Variants in GRID2 observed in about 807,000 individuals in gnomAD.
The protein encoded by GRID2 is glutamate ionotropic receptor delta type subunit 2.
GRID2 carries 33 observed loss-of-function variants against 114.8 expected under a neutral mutation model. That is an observed-to-expected ratio of 0.29 (90% CI 0.22 to 0.38). The LOEUF (loss-of-function observed/expected upper bound fraction) is 0.38. Ranked by LOEUF, GRID2 falls within the 10% of genes least tolerant of loss-of-function variation. The probability of loss-of-function intolerance (pLI) is 1.00; values close to 1 mark genes in which losing one functional copy is unlikely to be tolerated. For missense variants in GRID2, 1,184 were observed against 1,257.7 expected (o/e 0.94, Z 0.89); for synonymous variants, 505 against 449.9 (o/e 1.12, Z -1.55).
At chr4:92,520,375 T>TA (rs35833244) in intron 1 of GRID2, among the ~76,000 whole-genome samples, 12,286 of 151,022 alleles carry the variant, frequency 0.081, 703 homozygotes, top group African/African-American at 0.17. Flanking sequence ...AACATATTGA[T>TA]AAAAAAAAAC....
intron 3 of GRID2, among the ~76,000 whole-genome samples, chr4:93,091,995 G>T (rs1371799276): frequency 6.6e-6 from 1 of 152,140 alleles, no homozygotes; most frequent in African/African-American, 2.4e-5. Flanking sequence ...TCATTGCACA[G>T]AAATCACCCA....
chr4:92,763,207 A>G (rs1738103295), intron 2 of GRID2, among the ~76,000 whole-genome samples: 2 of 152,202 alleles, frequency 1.3e-5, no homozygotes, highest in African/African-American at 4.8e-5. Context: ...TTCAACAAAT[A>G]TTTATAAATT....
chr4:93,450,652 G>T (rs1221063973), intron 10 of GRID2, among the ~76,000 whole-genome samples: 3 of 151,564 alleles, frequency 2.0e-5, no homozygotes, highest in Admixed American at 2.0e-4. Flanking sequence ...TCCTTTTCAT[G>T]ACTTGAGAGA....
intron 4 of GRID2, among the ~76,000 whole-genome samples, chr4:93,176,163 T>C (rs1407057127): frequency 1.3e-5 from 2 of 152,188 alleles, no homozygotes; most frequent in African/African-American, 2.4e-5. Flanking sequence ...AAGAAATAAA[T>C]TGATAACCAC....
intron 10 of GRID2, among the ~76,000 whole-genome samples, chr4:93,434,124 A>T (rs1046198910): frequency 2.6e-5 from 4 of 152,222 alleles, no homozygotes; most frequent in African/African-American, 4.8e-5. Context: ...AAGAAAATGA[A>T]TTCAAGAATG....
intron 1 of GRID2, among the ~76,000 whole-genome samples, chr4:92,505,320 T>C (rs997320299): frequency 1.3e-5 from 2 of 152,080 alleles, no homozygotes; most frequent in Middle Eastern, 3.2e-3. Context: ...ATGGCAACTT[T>C]CTACTGCTGA....
intron 2 of GRID2, among the ~76,000 whole-genome samples, chr4:92,755,456 G>C (rs903025452): frequency 2.0e-5 from 3 of 152,106 alleles, no homozygotes; most frequent in Non-Finnish European, 2.9e-5. Flanking sequence ...AAGCAATGCA[G>C]AGTAACAGGA....
chr4:93,253,863 G>A (rs1008369266), intron 8 of GRID2, among the ~76,000 whole-genome samples: 6 of 151,980 alleles, frequency 3.9e-5, no homozygotes, highest in Admixed American at 2.0e-4. Context: ...GACACTTAAG[G>A]TTGTCGATAT....
chr4:93,000,531 T>C (rs1440206509), intron 2 of GRID2, among the ~76,000 whole-genome samples: 1 of 151,652 alleles, frequency 6.6e-6, no homozygotes, highest in Non-Finnish European at 1.5e-5. Context: ...TATCATCCTT[T>C]GATTCAAAGA....
intron 10 of GRID2, among the ~76,000 whole-genome samples, chr4:93,455,305 A>T (rs1358872051): frequency 6.6e-6 from 1 of 152,134 alleles, no homozygotes; most frequent in African/African-American, 2.4e-5. Flanking sequence ...CCTAGAAAAG[A>T]TTCTCCATTA....
intron 2 of GRID2, among the ~76,000 whole-genome samples, chr4:92,835,408 A>G (rs988809583): frequency 6.6e-6 from 1 of 152,168 alleles, no homozygotes; most frequent in South Asian, 2.1e-4. Context: ...AGAATATTAT[A>G]AAAATGTTTA....
At chr4:93,163,399 T>C (rs112493509) in intron 4 of GRID2, among the ~76,000 whole-genome samples, 11,544 of 48,358 alleles carry the variant, frequency 0.24, 856 homozygotes, top group East Asian at 0.42. Context: ...TATATATATA[T>C]ACACTATATA....
chr4:92,390,975 C>T (rs1435612741), intron 1 of GRID2, among the ~76,000 whole-genome samples: 1 of 152,092 alleles, frequency 6.6e-6, no homozygotes, highest in Admixed American at 6.6e-5. Context: ...TGAAATCAAA[C>T]CAGAGATTAT....
intron 14 of GRID2, among the ~76,000 whole-genome samples, chr4:93,755,986 T>C (rs1250588779): frequency 6.6e-6 from 1 of 152,196 alleles, no homozygotes; most frequent in Non-Finnish European, 1.5e-5. Context: ...CTAAAGTAAA[T>C]AATAAAATTT....
At chr4:92,477,938 TAC>T (rs911292034) in intron 1 of GRID2, among the ~76,000 whole-genome samples, 1 of 150,996 alleles carries the variant, frequency 6.6e-6, no homozygotes, top group African/African-American at 2.4e-5. Context: ...ATTGGTACTA[TAC>T]AAGAGTTACA....
At chr4:93,706,976 C>T (rs1728057718) in intron 14 of GRID2, among the ~76,000 whole-genome samples, 1 of 151,940 alleles carries the variant, frequency 6.6e-6, no homozygotes, top group Non-Finnish European at 1.5e-5. Flanking sequence ...TGATTTTTCT[C>T]CTTCGTTCTG....
At chr4:93,564,966 A>G (rs1294883212) in intron 13 of GRID2, among the ~76,000 whole-genome samples, 1 of 152,170 alleles carries the variant, frequency 6.6e-6, no homozygotes, top group Non-Finnish European at 1.5e-5. Flanking sequence ...AATTAGAATG[A>G]GAAAACACTT....
intron 8 of GRID2, among the ~76,000 whole-genome samples, chr4:93,264,709 GAT>G (rs70942961): frequency 7.5e-5 from 10 of 132,902 alleles, no homozygotes; most frequent in African/African-American, 1.8e-4. Flanking sequence ...AGTTTTGAAT[GAT>G]ATATATATAT....
At chr4:92,341,005 T>C (rs77497874) in intron 1 of GRID2, among the ~76,000 whole-genome samples, 4,585 of 152,252 alleles carry the variant, frequency 0.03, 105 homozygotes, top group Middle Eastern at 0.075. Context: ...AAGCAAATAT[T>C]ATAAATAAGT....
Sources: gnomAD v4.1 joint callset for allele counts (sites outside exome capture counted in the v4.1 genomes callset) on GRCh38, gnomAD v4.1.1 for gene constraint, MANE v1.5 for transcripts, NCBI Gene and HGNC (gene_info 2026-07-23, HGNC 2026-07-21) for gene names.